Variants in CAMK1D observed in about 807,000 individuals in gnomAD.
CAMK1D encodes the protein calcium/calmodulin dependent protein kinase ID.
A neutral mutation model predicts 47.7 loss-of-function variants in CAMK1D; 9 were observed. The observed-to-expected ratio is 0.19, with a 90% confidence interval of 0.11 to 0.33. The LOEUF is 0.33. Ranked by LOEUF, CAMK1D falls within the 10% of genes least tolerant of loss-of-function variation. The pLI is 1.00. For missense variants in CAMK1D, 291 were observed against 488.7 expected, an observed-to-expected ratio of 0.60 and a Z score of 3.81; for synonymous variants, 184 against 184.9, an observed-to-expected ratio of 0.99 and a Z score of 0.04.
chr10:12,373,193 G>A (rs11257743), intron 1 of CAMK1D, among the ~76,000 whole-genome samples: 1 of 151,906 alleles, frequency 6.6e-6, no homozygotes, highest in Non-Finnish European at 1.5e-5. Context: ...CGTGCTTGTA[G>A]TCCCAGCTAC....
intron 1 of CAMK1D, among the ~76,000 whole-genome samples, chr10:12,512,812 G>A (rs1255019831): frequency 3.3e-5 from 5 of 152,150 alleles, no homozygotes; most frequent in Admixed American, 6.5e-5. Context: ...GAAGGTTCCT[G>A]GTCCAGGTGA....
At chr10:12,686,811 T>C (rs1832682627) in intron 3 of CAMK1D, among the ~76,000 whole-genome samples, 5 of 152,166 alleles carry the variant, frequency 3.3e-5, no homozygotes, top group East Asian at 1.9e-4. Flanking sequence ...TTTTTTACCA[T>C]ATTAAAAAAG....
intron 2 of CAMK1D, among the ~76,000 whole-genome samples, chr10:12,639,056 G>A (rs577545525): frequency 1.3e-5 from 2 of 152,338 alleles, no homozygotes; most frequent in South Asian, 2.1e-4. Context: ...TTCCTGGGCC[G>A]TGGAAAGTGA....
intron 2 of CAMK1D, among the ~76,000 whole-genome samples, chr10:12,623,239 CCCTT>C (rs1314470538): frequency 6.6e-4 from 3 of 4,578 alleles, no homozygotes; most frequent in African/African-American, 9.5e-4. Flanking sequence ...CTCCCTTCCT[CCCTT>C]CCTTCCTCCC....
At chr10:12,434,377 T>C (rs1294609783) in intron 1 of CAMK1D, among the ~76,000 whole-genome samples, 1 of 152,206 alleles carries the variant, frequency 6.6e-6, no homozygotes, top group East Asian at 1.9e-4. Context: ...TGAGATTTCC[T>C]GATTCTGTGT....
chr10:12,674,109 C>A (rs1840716581), intron 3 of CAMK1D, among the ~76,000 whole-genome samples: 2 of 152,060 alleles, frequency 1.3e-5, no homozygotes, highest in Admixed American at 1.3e-4. Flanking sequence ...CCATGCCTGG[C>A]TAATTACTTT....
At chr10:12,560,717 C>T (rs1836912796) in intron 2 of CAMK1D, among the ~76,000 whole-genome samples, 1 of 151,980 alleles carries the variant, frequency 6.6e-6, no homozygotes, top group African/African-American at 2.4e-5. Flanking sequence ...ATCTGAGCTG[C>T]TTAGAAGGGT....
chr10:12,746,534 G>T (rs761832057), intron 3 of CAMK1D, among the ~76,000 whole-genome samples: 1 of 152,078 alleles, frequency 6.6e-6, no homozygotes, highest in Non-Finnish European at 1.5e-5. Flanking sequence ...ATGTTTTGGG[G>T]GTCTCTGAGC....
At chr10:12,759,669 T>C (rs977370250) in intron 3 of CAMK1D, among the ~76,000 whole-genome samples, 1 of 152,142 alleles carries the variant, frequency 6.6e-6, no homozygotes, top group Non-Finnish European at 1.5e-5. Flanking sequence ...CTTACCTAGA[T>C]TGTCAGTTTG....
intron 6 of CAMK1D, among the ~76,000 whole-genome samples, chr10:12,800,027 A>G (rs12768610): frequency 0.37 from 56,794 of 151,910 alleles, 10,857 homozygotes; most frequent in African/African-American, 0.46. Flanking sequence ...TAAACCTCAG[A>G]GGGTGCAGCA....
At chr10:12,735,711 A>C (rs973168738) in intron 3 of CAMK1D, among the ~76,000 whole-genome samples, 10 of 152,046 alleles carry the variant, frequency 6.6e-5, no homozygotes, top group African/African-American at 2.4e-4. Context: ...AAGGAACAGT[A>C]GGCCGAGATA....
At chr10:12,718,516 G>T (rs1321629486) in intron 3 of CAMK1D, among the ~76,000 whole-genome samples, 1 of 152,102 alleles carries the variant, frequency 6.6e-6, no homozygotes, top group Non-Finnish European at 1.5e-5. Flanking sequence ...GCTCCCTTAG[G>T]TTTAAAAATC....
At chr10:12,475,143 T>C (rs1490834800) in intron 1 of CAMK1D, among the ~76,000 whole-genome samples, 15 of 152,154 alleles carry the variant, frequency 9.9e-5, no homozygotes, top group African/African-American at 2.4e-5. Context: ...GTCGAATTCA[T>C]TGTAATCATC....
chr10:12,609,636 G>T (rs554775837), intron 2 of CAMK1D, among the ~76,000 whole-genome samples: 1 of 152,296 alleles, frequency 6.6e-6, no homozygotes, highest in Non-Finnish European at 1.5e-5. Flanking sequence ...TGCCACCACT[G>T]ATCTGACAGG....
intron 6 of CAMK1D, among the ~76,000 whole-genome samples, chr10:12,807,821 C>A (rs1838805078): frequency 6.6e-6 from 1 of 152,206 alleles, no homozygotes; most frequent in South Asian, 2.1e-4. Flanking sequence ...CCCCTGTCTC[C>A]TCTGGCTGCA....
intron 1 of CAMK1D, among the ~76,000 whole-genome samples, chr10:12,522,185 T>C (rs550340306): frequency 1.7e-5 from 2 of 117,562 alleles, no homozygotes; most frequent in East Asian, 4.6e-4. Flanking sequence ...TTATATGATA[T>C]ATTTCCTTTT....
chr10:12,764,707 A>C (rs1836668806), intron 4 of CAMK1D, among the ~76,000 whole-genome samples: 1 of 152,248 alleles, frequency 6.6e-6, no homozygotes, highest in Non-Finnish European at 1.5e-5. Flanking sequence ...CAGAGAAAAC[A>C]TGAACCATGT....
At chr10:12,491,149 A>G (rs57081240) in intron 1 of CAMK1D, among the ~76,000 whole-genome samples, 6,788 of 150,578 alleles carry the variant, frequency 0.045, 464 homozygotes, top group East Asian at 0.35. Context: ...GTATGAGAGT[A>G]TGTGTGTGTG....
chr10:12,417,273 T>TGA (rs139115283), intron 1 of CAMK1D, among the ~76,000 whole-genome samples: 17 of 150,238 alleles, frequency 1.1e-4, no homozygotes, highest in South Asian at 2.1e-4. Flanking sequence ...AAAAAGAGAC[T>TGA]GAGAGAGAGA....
Sources: allele counts gnomAD v4.1 joint callset (sites outside exome capture counted in the v4.1 genomes callset), GRCh38; gene constraint gnomAD v4.1.1; transcripts MANE v1.5; gene names NCBI Gene and HGNC (gene_info 2026-07-23, HGNC 2026-07-21).